The following COL1A2 variants were observed in gnomAD, a reference collection of about 807,000 sequenced individuals.
The protein encoded by COL1A2 is collagen alpha-2(I) chain.
In COL1A2, 49 loss-of-function variants were observed where a neutral mutation model predicts 174.3. That is an observed-to-expected ratio of 0.28 (90% CI 0.22 to 0.36). The LOEUF is 0.36. COL1A2 is among the 10% of genes least tolerant of loss of function. The pLI is 1.00. For missense variants in COL1A2, 1,438 were observed against 1,822.7 expected (o/e 0.79, Z 3.84); for synonymous variants, 655 against 606.6 (o/e 1.08, Z -1.17).
chr7:94,410,999 G>A lies in COL1A2; in HGVS notation c.1251+57G>A, dbSNP rs370603262. 7 of 1,606,556 alleles carry A rather than the reference G, an allele frequency of 4.4e-6. No homozygotes were observed. In the African/African-American group the frequency reaches 9.4e-5, roughly 22 times the overall value. ...GGGCTTGCTGCTTCTGGTGGTGGGT[G>A]TGTCATTAGCTTTAGCATCCTCCTC... On this transcript the variant is annotated intron_variant, in intron 22 of 51. Coordinates refer to ENST00000297268, the MANE Select transcript of COL1A2 (RefSeq NM_000089.4).
chr7:94,427,749 C>A lies in COL1A2; in HGVS notation c.3390C>A (p.Pro1130=). Residue 1130 remains proline, a synonymous_variant, in exon 49 of 52, where the codon CCC becomes CCA. Coordinates refer to ENST00000297268, the MANE Select transcript of COL1A2 (RefSeq NM_000089.4). ...DQPRSAPSLR[P]KDYEVDATLK... ...CTCGCTCAGCACCTTCTCTCAGACC[C>A]AAGGACTATGAAGTTGATGCTACTC... 3.1e-6 allele frequency: 5 copies of A among 1,614,102 alleles called. No individual in the cohort carries two copies. Among genetic ancestry groups the A allele is most frequent in the Non-Finnish European group, 3.4e-6 (4 of 1,180,024 alleles).
At chr7:94,408,452 C>T in intron 15 of COL1A2, 72 bp downstream of exon 15, 1 of 1,499,468 alleles carries the variant, frequency 6.7e-7, no homozygotes, top group Admixed American at 1.7e-5. Context: ...TCATTAATCT[C>T]TTACGAAATA....
At chr7:94,398,948 C>T (rs1791633922) in intron 3 of COL1A2, 101 bp from the exon 4 acceptor site, 2 of 1,085,188 alleles carry the variant, frequency 1.8e-6, no homozygotes, top group Admixed American at 1.7e-5. Flanking sequence ...ATTGTAGTTA[C>T]ATCAGTCTTA....
At chr7:94,400,782 T>G (rs967808497) in intron 5 of COL1A2, among the ~76,000 whole-genome samples, 38 of 152,224 alleles carry the variant, frequency 2.5e-4, no homozygotes, top group Admixed American at 1.4e-3. Flanking sequence ...TCTTTTAGCT[T>G]CATGTCTTTA....
chr7:94,409,288 CT>C (rs1339951491), intron 16 of COL1A2, 33 bp from the exon 17 acceptor site: 1 of 1,569,940 alleles, frequency 6.4e-7, no homozygotes, highest in Non-Finnish European at 8.8e-7. Flanking sequence ...TCATTATTTG[CT>C]GGTTAATTCC....
Position 94,421,033 on chromosome 7 carries a change from G to T in COL1A2, c.2320G>T (p.Ala774Ser), listed in dbSNP as rs1584326654. Reference protein sequence around the residue: ...PAGPNGPPGPAGSRGDGGPPG... With the variant: ...PAGPNGPPGPSGSRGDGGPPG... ...GGGTCCAAATGGTCCCCCCGGTCCTGCTGGAAGTCGTGGTGATGGAGGCCC... is the reference window on the plus strand; with the variant it reads ...GGGTCCAAATGGTCCCCCCGGTCCTTCTGGAAGTCGTGGTGATGGAGGCCC... The change falls in exon 38 of 52, where the codon GCT (alanine) becomes TCT (serine). Residue 774 changes from alanine (A) to serine (S), a missense_variant. Coordinates refer to ENST00000297268, the MANE Select transcript of COL1A2 (RefSeq NM_000089.4). The T allele has an allele frequency of 6.2e-7, 1 of 1,614,160 alleles. No homozygotes were observed. Among genetic ancestry groups the T allele is most frequent in the Non-Finnish European group, 8.5e-7 (1 of 1,180,020 alleles).
chr7:94,417,853 A>G (rs1444173770), intron 32 of COL1A2, 22 bp downstream of exon 32: 2 of 1,547,056 alleles, frequency 1.3e-6, no homozygotes, highest in East Asian at 2.4e-5. Flanking sequence ...CCCCTATTAC[A>G]TATTGTTGAT....
At chr7:94,428,594 C>T in intron 50 of COL1A2, 117 bp downstream of exon 50, 3 of 986,142 alleles carry the variant, frequency 3.0e-6, no homozygotes, top group Non-Finnish European at 3.1e-6. Flanking sequence ...AAGACCTGTT[C>T]CTTTCCTGGG....
chr7:94,399,067 G>T lies in COL1A2; in HGVS notation c.115G>T (p.Gly39Ter). 1 of 1,613,676 alleles carries T rather than the reference G, an allele frequency of 6.2e-7. No homozygotes were observed. The highest frequency in any genetic ancestry group is 8.5e-7 in the Non-Finnish European group (1 of 1,179,698). ...TVRKGPAGDRGPRGERGPPGP... is the reference protein window; with the variant it reads ...TVRKGPAGDR ...CCTGTAGGGCCCAGCCGGAGATAGA[G>T]GACCACGTGGAGAAAGGGTGTGTAA... is the stretch of plus-strand genomic sequence containing the variant. Residue 39 changes from glycine to a stop codon, truncating the protein, a stop_gained, in exon 4 of 52, where the codon GGA (glycine) becomes TGA (stop). Coordinates refer to ENST00000297268, the MANE Select transcript of COL1A2 (RefSeq NM_000089.4). LOFTEE classifies it high-confidence loss of function.
chr7:94,396,359 T>G lies in COL1A2; in HGVS notation c.70+1258T>G, dbSNP rs117782609. Among the ~76,000 whole-genome samples the G allele has an allele frequency of 8.5e-3, 1,286 of 152,150 alleles. 7 individuals are homozygous for G. Among genetic ancestry groups the G allele is most frequent in the Non-Finnish European group, 0.013 (851 of 67,994 alleles). ...GTGTGTGTGTCTGTGTGTCTGTGTG[T>G]CTCTTCCCCCTTCATTCACTTTTAG... On this transcript the variant is annotated intron_variant, in intron 1 of 51. Coordinates refer to ENST00000297268, the MANE Select transcript of COL1A2 (RefSeq NM_000089.4).
In COL1A2 at chr7:94,410,957, A is replaced by T; in HGVS notation, c.1251+15A>T. On this transcript the variant is annotated intron_variant, in intron 22 of 51. Transcript: ENST00000297268. Reference sequence around the variant, plus strand: ...CTGGCGTCATGGTAAGCTGTCTATCACTTACTTCCTAGAAAGGGGCTTGCT... The same window carrying T: ...CTGGCGTCATGGTAAGCTGTCTATCTCTTACTTCCTAGAAAGGGGCTTGCT... The T allele has an allele frequency of 6.2e-7, 1 of 1,613,184 alleles. No individual in the cohort carries two copies. Among genetic ancestry groups the T allele is most frequent in the Non-Finnish European group, 8.5e-7 (1 of 1,179,776 alleles).
intron 50 of COL1A2, 118 bp downstream of exon 50, chr7:94,428,595 C>T: frequency 1.0e-6 from 1 of 972,120 alleles, no homozygotes; most frequent in Non-Finnish European, 1.6e-6. Flanking sequence ...AGACCTGTTC[C>T]TTTCCTGGGT....
intron 37 of COL1A2, 50 bp downstream of exon 37, chr7:94,420,698 C>T (rs746472152): frequency 2.0e-6 from 3 of 1,471,540 alleles, no homozygotes; most frequent in East Asian, 2.5e-5. Flanking sequence ...ATTAGATCTT[C>T]CAATTAAATA....
chr7:94,424,297 G>C, intron 40 of COL1A2, 39 bp from the exon 41 acceptor site: 1 of 1,550,100 alleles, frequency 6.5e-7, no homozygotes, highest in East Asian at 2.2e-5. Flanking sequence ...TATCACCTAG[G>C]GTCTTACCCA....
chr7:94,425,536 G>A, intron 42 of COL1A2, 74 bp from the exon 43 acceptor site: 1 of 1,447,020 alleles, frequency 6.9e-7, no homozygotes, highest in Non-Finnish European at 9.7e-7. Context: ...GATGAAGACA[G>A]AGTAGCTACA....
intron 50 of COL1A2, 42 bp downstream of exon 50, chr7:94,428,519 T>G (rs1166078793): frequency 6.4e-7 from 1 of 1,556,270 alleles, no homozygotes; most frequent in Non-Finnish European, 8.8e-7. Context: ...CTAAATAATA[T>G]TTTGGTAGGA....
chr7:94,408,151 C>T (rs1273090092), intron 13 of COL1A2, 32 bp from the exon 14 acceptor site: 2 of 1,610,456 alleles, frequency 1.2e-6, no homozygotes, highest in Non-Finnish European at 1.7e-6. Context: ...AATTAGCATT[C>T]TGGATTTTAT....
chr7:94,413,430 C>A (rs1037313958), intron 26 of COL1A2, among the ~76,000 whole-genome samples: 1 of 152,140 alleles, frequency 6.6e-6, no homozygotes, highest in Non-Finnish European at 1.5e-5. Flanking sequence ...TTATAAATTG[C>A]CTTGTGTCGC....
intron 25 of COL1A2, 130 bp downstream of exon 25, chr7:94,412,812 C>T (rs1016433785): frequency 2.4e-6 from 2 of 829,102 alleles, no homozygotes; most frequent in African/African-American, 1.7e-5. Flanking sequence ...AACTGCAGGC[C>T]ACTTATCACA....
Sources: gnomAD v4.1 joint callset for allele counts (sites outside exome capture counted in the v4.1 genomes callset) on GRCh38, gnomAD v4.1.1 for gene constraint, MANE v1.5 for transcripts, NCBI Gene and HGNC (gene_info 2026-07-23, HGNC 2026-07-21) for gene names.